The following TRIP12 variants were observed in gnomAD, a reference collection of about 807,000 sequenced individuals.
TRIP12 encodes the protein E3 ubiquitin-protein ligase TRIP12.
A neutral mutation model predicts 244.2 loss-of-function variants in TRIP12; 25 were observed. The ratio of observed to expected loss-of-function variants is 0.10; its 90% CI spans 0.07 to 0.14. The LOEUF is 0.14. Among genes scored for constraint, TRIP12 ranks in the 10% least tolerant of loss-of-function variants. The pLI is 1.00. For missense variants in TRIP12, 1,677 were observed against 2,486.4 expected (o/e 0.67, Z 6.92); for synonymous variants, 905 against 873.1 (o/e 1.04, Z -0.64).
chr2:229,885,128 C>A (rs2065750007), intron 1 of TRIP12, among the ~76,000 whole-genome samples: 1 of 152,118 alleles, frequency 6.6e-6, no homozygotes, highest in Admixed American at 6.5e-5. Context: ...CAAATATTTA[C>A]CATTTTGTTA....
chr2:229,922,735 C>A, upstream of TRIP12: 1 of 928,604 alleles, frequency 1.1e-6, no homozygotes, highest in Non-Finnish European at 1.6e-6. Flanking sequence ...CCCGGCTCCG[C>A]GCCGGGAGAT....
At chr2:229,901,894 G>A (rs1453817393) in intron 1 of TRIP12, among the ~76,000 whole-genome samples, 1 of 152,122 alleles carries the variant, frequency 6.6e-6, no homozygotes, top group Non-Finnish European at 1.5e-5. Context: ...TTTCTTCCCT[G>A]CTAAAAGAAT....
At chr2:229,787,929 A>G (rs1040672879) in intron 32 of TRIP12, among the ~76,000 whole-genome samples, 1 of 152,008 alleles carries the variant, frequency 6.6e-6, no homozygotes, top group African/African-American at 2.4e-5. Flanking sequence ...CAGCCTCCCA[A>G]GTAGCTGGGA....
rs767480817 is a variant in TRIP12 at position 229,765,600 on chromosome 2, G to A, written c.*1954C>T. ...CAACATGGATAAAATGTCAAGTACA[G>A]ATGAAACATTATTTTGTTTATACAT... On this transcript the variant is annotated 3_prime_UTR_variant, in exon 42 of 42. Transcript: ENST00000675903. 6.6e-6 allele frequency: 1 copy of A among 152,210 alleles called. No homozygotes were observed. The highest frequency in any genetic ancestry group is 1.5e-5 in the Non-Finnish European group (1 of 68,044). The allele number at this position is 152,210 out of a possible 1,614,324, so 9.4% of individuals were successfully genotyped here.
chr2:229,879,934 T>G, intron 2 of TRIP12, 48 bp downstream of exon 2: 1 of 1,602,704 alleles, frequency 6.2e-7, no homozygotes. Flanking sequence ...TTAAAAATAT[T>G]TTTTCTTTTA....
chr2:229,891,251 T>C (rs1205079160), intron 1 of TRIP12, among the ~76,000 whole-genome samples: 1 of 151,316 alleles, frequency 6.6e-6, no homozygotes, highest in Non-Finnish European at 1.5e-5. Flanking sequence ...TGAAACCCCC[T>C]CTCTACCAAA....
At chr2:229,826,613 C>G (rs576010444) in intron 8 of TRIP12, among the ~76,000 whole-genome samples, 1 of 152,238 alleles carries the variant, frequency 6.6e-6, no homozygotes, top group African/African-American at 2.4e-5. Context: ...GTCATGTAAA[C>G]ATCATAGAGT....
At chr2:229,782,595 A>C (rs1199539670) in intron 34 of TRIP12, among the ~76,000 whole-genome samples, 1 of 152,220 alleles carries the variant, frequency 6.6e-6, no homozygotes, top group African/African-American at 2.4e-5. Context: ...AGCATGCAGT[A>C]TACTTTCCAG....
rs1312207922 is a variant in TRIP12 at position 229,836,881 on chromosome 2, C to G, written c.1237G>C (p.Ala413Pro). Residue 413 changes from alanine (A) to proline (P), a missense_variant, in exon 6 of 42, where the codon GCT becomes CCT. Coordinates refer to ENST00000675903, the MANE Select transcript of TRIP12 (RefSeq NM_001348323.3). ...CCTTGGGGAGCTTCATCTGTCCGAG[C>G]AGCTGAAGAATTTACTGCCTCCTGG... The part of the protein sequence containing the change: ...SNQEAVNSSA[A>P]RTDEAPQGAA... 5 of 1,600,298 alleles carry G rather than the reference C, an allele frequency of 3.1e-6. No individual in the cohort carries two copies. The highest frequency in any genetic ancestry group is 1.7e-4 in the Middle Eastern group (1 of 6,038).
In TRIP12 at chr2:229,792,159, C is replaced by A; in HGVS notation, c.4209G>T (p.Glu1403Asp). 1 of 1,614,000 alleles carries A rather than the reference C, an allele frequency of 6.2e-7. No homozygotes were observed. The highest frequency in any genetic ancestry group is 8.5e-7 in the Non-Finnish European group (1 of 1,179,946). Residue 1403 changes from glutamate (E) to aspartate (D), a missense_variant, in exon 28 of 42, where the codon GAG (glutamate) becomes GAT (aspartate). Transcript: ENST00000675903. ...TGGGAATATAGTACCTTACCAGAGA[C>A]TCATCTATTTCCTCATCTGATCCAT... The part of the protein sequence containing the change: ...DDDGSDEEID[E>D]SLAAQFLNSG...
intron 8 of TRIP12, among the ~76,000 whole-genome samples, chr2:229,821,334 C>T (rs1325548073): frequency 6.6e-6 from 1 of 152,128 alleles, no homozygotes. Flanking sequence ...TTATAGAACT[C>T]ATTTAAGGGT....
At chr2:229,847,135 A>G (rs1439615875) in intron 4 of TRIP12, among the ~76,000 whole-genome samples, 1 of 152,206 alleles carries the variant, frequency 6.6e-6, no homozygotes, top group Non-Finnish European at 1.5e-5. Flanking sequence ...AGAGTGGTGT[A>G]AATTACAAAG....
intron 1 of TRIP12, among the ~76,000 whole-genome samples, chr2:229,903,378 T>C (rs1322723085): frequency 6.6e-6 from 1 of 152,144 alleles, no homozygotes; most frequent in Admixed American, 6.6e-5. Flanking sequence ...GGTGAAAATG[T>C]TCCTATCAGA....
intron 1 of TRIP12, among the ~76,000 whole-genome samples, chr2:229,881,469 T>C (rs2064863907): frequency 6.6e-6 from 1 of 152,342 alleles, no homozygotes; most frequent in East Asian, 1.9e-4. Context: ...TTAATCATAA[T>C]TAAATCTATT....
chr2:229,860,174 A>C (rs1017379940), intron 3 of TRIP12, among the ~76,000 whole-genome samples: 5 of 152,224 alleles, frequency 3.3e-5, no homozygotes, highest in African/African-American at 1.2e-4. Context: ...CAAAGGGGGA[A>C]TCTTACGGCT....
chr2:229,792,731 A>G (rs2041866861), intron 27 of TRIP12, among the ~76,000 whole-genome samples: 1 of 152,194 alleles, frequency 6.6e-6, no homozygotes, highest in South Asian at 2.1e-4. Context: ...CAAACACAAA[A>G]TGTCATTTCT....
rs571394632 is a variant in TRIP12, at chr2:229,859,445, A to T, written c.354T>A (p.Ala118=). ...KDNSRGVKRS[A]SPDYNRTNSP... is the part of the protein sequence containing the mutation. ...AATTGGTCCTGTTGTAGTCTGGACT[A>T]GCACTGCGCTTCACTCCTCGAGAAT... is the stretch of plus-strand genomic sequence containing the variant. Residue 118 remains alanine (A), a synonymous_variant, in exon 4 of 42, where the codon GCT becomes GCA. Transcript: ENST00000675903. 2.5e-6 allele frequency: 4 copies of T among 1,614,214 alleles called. No homozygotes were observed. Among genetic ancestry groups the T allele is most frequent in the Admixed American group, 3.3e-5 (2 of 60,028 alleles).
At chr2:229,797,346 G>C (rs2043069165) in intron 24 of TRIP12, among the ~76,000 whole-genome samples, 1 of 152,180 alleles carries the variant, frequency 6.6e-6, no homozygotes, top group Non-Finnish European at 1.5e-5. Flanking sequence ...CATGTGAAGA[G>C]AGGGGCTAAG....
rs1233000325 is a variant in TRIP12, at chr2:229,797,558, G to A, written c.3624+132C>T. The A allele has an allele frequency of 5.9e-6, 6 of 1,021,500 alleles. No individual in the cohort carries two copies. In the East Asian group the frequency reaches 1.0e-4, roughly 17 times the overall value. 63.3% of individuals were successfully genotyped at this position (1,021,500 alleles called of 1,614,324 possible). Reference sequence around the variant, plus strand: ...AAGTAAAAGAAATGCCAGCACCAAGGGTGTATATAAGGTAAAAGTCGATGT... The same window carrying A: ...AAGTAAAAGAAATGCCAGCACCAAGAGTGTATATAAGGTAAAAGTCGATGT... On this transcript the variant is annotated intron_variant, in intron 24 of 41. Transcript: ENST00000675903.
Sources: allele counts gnomAD v4.1 joint callset (sites outside exome capture counted in the v4.1 genomes callset), GRCh38; gene constraint gnomAD v4.1.1; transcripts MANE v1.5; gene names NCBI Gene and HGNC (gene_info 2026-07-23, HGNC 2026-07-21).